The following GINM1 variants were observed in gnomAD, a reference collection of about 807,000 sequenced individuals.
The protein encoded by GINM1 is glycoprotein integral membrane protein 1.
GINM1 carries 29 observed loss-of-function variants against 37.8 expected under a neutral mutation model. The observed-to-expected ratio is 0.77, with a 90% CI of 0.57 to 1.05. The LOEUF is 1.05. Among genes scored for constraint, GINM1 ranks in the 50% least tolerant of loss-of-function variants. The pLI is 0.00. For synonymous variants in GINM1, 143 were observed against 146.2 expected (o/e 0.98, Z 0.16); for missense variants, 377 against 397.9 (o/e 0.95, Z 0.45).
Position 149,582,473 on chromosome 6 carries a change from G to C in GINM1, c.751G>C (p.Asp251His), listed in dbSNP as rs756008447. 1 of 1,608,870 alleles carries C rather than the reference G, an allele frequency of 6.2e-7. No homozygotes were observed. The highest frequency in any genetic ancestry group is 8.5e-7 in the Non-Finnish European group (1 of 1,178,990). ...MCQWMEKFRKDLCRFWSNVFP... is the reference protein window; with the variant it reads ...MCQWMEKFRKHLCRFWSNVFP... ...TCAGTGGATGGAAAAGTTTAGAAAAGATCTGTGTAGGTTCTGGAGCAACGT... is the reference window on the plus strand; with the variant it reads ...TCAGTGGATGGAAAAGTTTAGAAAACATCTGTGTAGGTTCTGGAGCAACGT... The change falls in exon 7 of 8, where the codon GAT becomes CAT. Residue 251 changes from aspartate to histidine, a missense_variant. Physicochemically the swap from Asp to His is moderately conservative, Grantham distance 81 (BLOSUM62 -1). Transcript: ENST00000367419.
intron 1 of GINM1, among the ~76,000 whole-genome samples, chr6:149,569,432 G>T (rs149528409): frequency 6.8e-6 from 1 of 146,960 alleles, no homozygotes; most frequent in Non-Finnish European, 1.5e-5. Context: ...TCTGCCTCCC[G>T]GGTTCCAGCG....
intron 6 of GINM1, among the ~76,000 whole-genome samples, chr6:149,581,370 G>T (rs745793295): frequency 2.0e-5 from 3 of 152,114 alleles, no homozygotes; most frequent in Non-Finnish European, 4.4e-5. Context: ...TGTTGGCCAG[G>T]CTGGTCTCAA....
At chr6:149,589,719 A>C (rs1034210075) in intron 7 of GINM1, among the ~76,000 whole-genome samples, 1 of 152,208 alleles carries the variant, frequency 6.6e-6, no homozygotes, top group Non-Finnish European at 1.5e-5. Context: ...CATATATGTT[A>C]GTCTTTTTCT....
chr6:149,569,038 T>A (rs1356903811), intron 1 of GINM1, among the ~76,000 whole-genome samples: 3 of 151,540 alleles, frequency 2.0e-5, no homozygotes, highest in Non-Finnish European at 4.4e-5. Context: ...TTTTTGTTTT[T>A]TATTTTTGAG....
intron 7 of GINM1, chr6:149,584,339 T>A (rs1778041689): frequency 6.6e-6 from 1 of 152,216 alleles, no homozygotes; most frequent in South Asian, 2.1e-4. Flanking sequence ...TGACCACAGT[T>A]CTTGGCTTAG....
chr6:149,570,945 C>T (rs1777809020), intron 1 of GINM1, among the ~76,000 whole-genome samples: 1 of 152,130 alleles, frequency 6.6e-6, no homozygotes, highest in African/African-American at 2.4e-5. Flanking sequence ...GGGTATCCTG[C>T]TTTTGATAAT....
intron 3 of GINM1, among the ~76,000 whole-genome samples, chr6:149,574,498 C>T (rs1405460312): frequency 1.3e-5 from 2 of 152,108 alleles, no homozygotes; most frequent in African/African-American, 4.8e-5. Context: ...CCCCCTTTGC[C>T]TTCTTCTAGG....
chr6:149,571,370 A>G (rs1777819801), intron 1 of GINM1, among the ~76,000 whole-genome samples: 1 of 152,170 alleles, frequency 6.6e-6, no homozygotes, highest in Non-Finnish European at 1.5e-5. Context: ...AAAGTTGGAA[A>G]CAACTCAGAT....
chr6:149,579,865 T>C lies in GINM1; in HGVS notation c.461T>C (p.Ile154Thr). 3.7e-6 allele frequency: 6 copies of C among 1,600,526 alleles called. No homozygotes were observed. Among genetic ancestry groups the C allele is most frequent in the Non-Finnish European group, 5.1e-6 (6 of 1,172,750 alleles). Residue 154 changes from isoleucine to threonine, a missense_variant, in exon 5 of 8, where the codon ATT becomes ACT. Transcript: ENST00000367419. ...CAAAAGGATGTCACTGAAATTGATA[T>C]TTTAGTTAAGAACCGGGGAGTACTC... ...VQQKDVTEID[I>T]LVKNRGVLRH...
At chr6:149,579,141 A>G (rs1231566207) in intron 4 of GINM1, among the ~76,000 whole-genome samples, 168 bp downstream of exon 4, 1 of 152,208 alleles carries the variant, frequency 6.6e-6, no homozygotes, top group Non-Finnish European at 1.5e-5. Context: ...AGCATTTGAA[A>G]TGTATTTTTA....
intron 6 of GINM1, 72 bp from the exon 7 acceptor site, chr6:149,582,368 A>G: frequency 7.7e-7 from 1 of 1,306,442 alleles, no homozygotes; most frequent in South Asian, 1.3e-5. Context: ...CAAAGCTAAA[A>G]CATTAAAAAA....
At position 149,582,681 on chromosome 6, in the gene GINM1, G is replaced by T. The variant is rs562677757; in HGVS notation, c.881+78G>T. 1.3e-4 allele frequency: 140 copies of T among 1,049,686 alleles called. 1 individual carries two copies. In the South Asian group the frequency reaches 2.5e-3, roughly 19 times the overall value. 65.0% of individuals were successfully genotyped at this position (1,049,686 alleles called of 1,614,324 possible). A position where few individuals can be genotyped will look rare whatever the true frequency, so the allele number is the denominator to read the frequency against. ...GACATATTTGCTATGTTTTAGAATAGAAAATATAAAAATTAGAAAGGGTAA... is the reference window on the plus strand; with the variant it reads ...GACATATTTGCTATGTTTTAGAATATAAAATATAAAAATTAGAAAGGGTAA... On this transcript the variant is annotated intron_variant, in intron 7 of 7. Coordinates refer to ENST00000367419, the MANE Select transcript of GINM1 (RefSeq NM_138785.5).
At chr6:149,581,403 C>A in intron 6 of GINM1, among the ~76,000 whole-genome samples, 1 of 152,200 alleles carries the variant, frequency 6.6e-6, no homozygotes, top group East Asian at 1.9e-4. Context: ...AAGTGATCCG[C>A]CCATCTTGGC....
chr6:149,567,372 C>T (rs1169196376), intron 1 of GINM1, among the ~76,000 whole-genome samples: 1 of 152,126 alleles, frequency 6.6e-6, no homozygotes, highest in Admixed American at 6.5e-5. Context: ...GAAACTATGT[C>T]GGTACACCTC....
At chr6:149,571,881 G>C (rs972061540) in intron 1 of GINM1, among the ~76,000 whole-genome samples, 1 of 152,050 alleles carries the variant, frequency 6.6e-6, no homozygotes, top group Non-Finnish European at 1.5e-5. Flanking sequence ...AGGAGTTCAA[G>C]ACCATCCTGG....
At chr6:149,590,675 C>A in intron 7 of GINM1, 52 bp from the exon 8 acceptor site, 1 of 940,792 alleles carries the variant, frequency 1.1e-6, no homozygotes, top group Non-Finnish European at 1.7e-6. Flanking sequence ...TATCAAACTA[C>A]AGGCAGAGGA....
chr6:149,568,962 G>C lies in GINM1; in HGVS notation c.120+2428G>C, dbSNP rs1777765714. Among the ~76,000 whole-genome samples, 3 of 151,396 alleles carry C rather than the reference G, an allele frequency of 2.0e-5. No individual in the cohort carries two copies. In the South Asian group the frequency reaches 6.2e-4, roughly 31 times the overall value. Reference sequence around the variant, plus strand: ...TTCTCCTATCTCAGCCTCCTGAGTAGCTGGTACTACTGGCGCGTGCCACCA... The same window carrying C: ...TTCTCCTATCTCAGCCTCCTGAGTACCTGGTACTACTGGCGCGTGCCACCA... On this transcript the variant is annotated intron_variant, in intron 1 of 7. Transcript: ENST00000367419.
intron 1 of GINM1, among the ~76,000 whole-genome samples, chr6:149,567,982 G>A (rs987726579): frequency 6.6e-6 from 1 of 152,218 alleles, no homozygotes; most frequent in Non-Finnish European, 1.5e-5. Flanking sequence ...TATAATCTGC[G>A]AAAAATACAT....
At chr6:149,572,171 A>G (rs1428029851) in intron 1 of GINM1, 114 bp from the exon 2 acceptor site, 2 of 533,068 alleles carry the variant, frequency 3.8e-6, no homozygotes, top group Non-Finnish European at 6.7e-6. Context: ...AAACTCTCTT[A>G]ATGCTGTTAT....
Sources: gnomAD v4.1 joint callset for allele counts (sites outside exome capture counted in the v4.1 genomes callset) on GRCh38, gnomAD v4.1.1 for gene constraint, MANE v1.5 for transcripts, NCBI Gene and HGNC (gene_info 2026-07-23, HGNC 2026-07-21) for gene names.